SEMA6D: variants seen among roughly 807,000 people sequenced by gnomAD.
The protein encoded by SEMA6D is semaphorin-6D.
In SEMA6D, 35 loss-of-function variants were observed where a neutral mutation model predicts 106.6. The ratio of observed to expected loss-of-function variants is 0.33; its 90% CI spans 0.25 to 0.44. SEMA6D has a LOEUF of 0.44. Ranked by LOEUF, SEMA6D falls within the 20% of genes least tolerant of loss-of-function variation. SEMA6D has a pLI of 1.00. For missense variants in SEMA6D, 1,185 were observed against 1,345.9 expected, an observed-to-expected ratio of 0.88 and a Z score of 1.87; for synonymous variants, 499 against 487.7, an observed-to-expected ratio of 1.02 and a Z score of -0.31.
chr15:47,243,717 G>C (rs781120550), intron 1 of SEMA6D, among the ~76,000 whole-genome samples: 1 of 151,388 alleles, frequency 6.6e-6, no homozygotes, highest in Admixed American at 6.6e-5. Flanking sequence ...TGGTGTGTGA[G>C]TTTTAAGCTC....
chr15:47,233,274 G>A (rs1352184819), intron 1 of SEMA6D, among the ~76,000 whole-genome samples: 1 of 151,846 alleles, frequency 6.6e-6, no homozygotes, highest in African/African-American at 2.4e-5. Context: ...TTACTTCTGG[G>A]CTCTATTCCA....
chr15:47,286,992 C>A, intron 1 of SEMA6D, among the ~76,000 whole-genome samples: 1 of 152,136 alleles, frequency 6.6e-6, no homozygotes, highest in East Asian at 1.9e-4. Flanking sequence ...ACATTTCTCC[C>A]CCTCTTCCAA....
chr15:47,347,940 A>G (rs76515311), intron 1 of SEMA6D, among the ~76,000 whole-genome samples: 3,979 of 152,240 alleles, frequency 0.026, 178 homozygotes, highest in African/African-American at 0.091. Context: ...AGAGTTTCTG[A>G]GTCCCTTCCA....
rs951093415 is a variant in SEMA6D, at chr15:47,768,528, CA to C, written c.1766-45del. On this transcript the variant is annotated intron_variant, in intron 17 of 18. Transcript: ENST00000536845. ...TTATTTAAAAATGCAACAGACCAAT[CA>C]AAAAAAATCTTGACACTATCCATAT... The C allele has an allele frequency of 9.4e-4, 1,315 of 1,405,448 alleles. 8 individuals carry two copies. The highest frequency in any genetic ancestry group is 1.9e-4 in the Non-Finnish European group (204 of 1,051,102). 87.1% of individuals were successfully genotyped at this position (1,405,448 alleles called of 1,614,324 possible).
intron 1 of SEMA6D, among the ~76,000 whole-genome samples, chr15:47,221,252 G>C (rs754051587): frequency 7.2e-5 from 11 of 152,154 alleles, no homozygotes; most frequent in Non-Finnish European, 1.3e-4. Context: ...TAAAGTAGCT[G>C]GGCTCCTCTA....
chr15:47,715,410 C>T (rs558816665), upstream of SEMA6D, among the ~76,000 whole-genome samples: 13 of 152,064 alleles, frequency 8.5e-5, no homozygotes, highest in Non-Finnish European at 1.5e-4. Flanking sequence ...ATAAAAGGAG[C>T]GTTGTTTTCC....
At chr15:47,274,650 G>C (rs942532206) in intron 1 of SEMA6D, 6 of 152,204 alleles carry the variant, frequency 3.9e-5, no homozygotes, top group Admixed American at 2.6e-4. Context: ...GTTTTCAGAA[G>C]TTGTATGTAA....
intron 1 of SEMA6D, among the ~76,000 whole-genome samples, chr15:47,365,018 G>A (rs934855370): frequency 1.1e-4 from 16 of 152,282 alleles, no homozygotes; most frequent in African/African-American, 3.9e-4. Flanking sequence ...GAGATGGCAG[G>A]CAGCAAGATA....
At chr15:47,438,290 G>A (rs1320778936) in intron 2 of SEMA6D, among the ~76,000 whole-genome samples, 4 of 151,986 alleles carry the variant, frequency 2.6e-5, no homozygotes, top group African/African-American at 9.7e-5. Flanking sequence ...TCTCTTGATT[G>A]TAATAGCCTC....
chr15:47,318,378 T>A (rs1487472853), intron 1 of SEMA6D, among the ~76,000 whole-genome samples: 2 of 133,536 alleles, frequency 1.5e-5, no homozygotes, highest in African/African-American at 5.4e-5. Context: ...TAACTCGTCA[T>A]CTAGCATTAG....
intron 14 of SEMA6D, 38 bp from the exon 15 acceptor site, chr15:47,766,067 G>A (rs781278461): frequency 2.5e-6 from 4 of 1,612,798 alleles, no homozygotes; most frequent in African/African-American, 1.3e-5. Context: ...CTTTGTTGAT[G>A]AGAAAATCCA....
At chr15:47,580,965 G>T (rs1003916019) in intron 3 of SEMA6D, among the ~76,000 whole-genome samples, 1 of 152,160 alleles carries the variant, frequency 6.6e-6, no homozygotes, top group African/African-American at 2.4e-5. Flanking sequence ...CATACTTAGG[G>T]ATCTACCAGC....
chr15:47,282,763 A>G (rs954068902), intron 1 of SEMA6D, among the ~76,000 whole-genome samples: 2 of 152,174 alleles, frequency 1.3e-5, no homozygotes, highest in South Asian at 2.1e-4. Context: ...AGATGATGCT[A>G]TGATGCCTTG....
intron 1 of SEMA6D, among the ~76,000 whole-genome samples, chr15:47,723,844 G>C (rs932539008): frequency 1.1e-4 from 17 of 152,050 alleles, no homozygotes; most frequent in Admixed American, 9.8e-4. Flanking sequence ...CCAATATGTT[G>C]GTACATATAT....
At chr15:47,536,506 A>C (rs964114709) in intron 3 of SEMA6D, among the ~76,000 whole-genome samples, 1 of 152,200 alleles carries the variant, frequency 6.6e-6, no homozygotes, top group Non-Finnish European at 1.5e-5. Flanking sequence ...ATTGGCTTCT[A>C]GACTCAGACC....
At chr15:47,272,241 G>T (rs939347540) in intron 1 of SEMA6D, among the ~76,000 whole-genome samples, 1 of 152,182 alleles carries the variant, frequency 6.6e-6, no homozygotes. Context: ...ACAAGTAACA[G>T]AATCCAAGGC....
chr15:47,394,134 A>G (rs1156570575), intron 1 of SEMA6D, among the ~76,000 whole-genome samples: 2 of 152,134 alleles, frequency 1.3e-5, no homozygotes, highest in Non-Finnish European at 2.9e-5. Flanking sequence ...TGCATTTAGG[A>G]GGACTAGGCT....
chr15:47,727,861 C>T (rs569190149), intron 1 of SEMA6D, among the ~76,000 whole-genome samples: 2 of 152,290 alleles, frequency 1.3e-5, no homozygotes, highest in Middle Eastern at 3.4e-3. Context: ...AAGGTGATTG[C>T]CTGCTGCGGT....
chr15:47,518,866 A>G (rs981505214), intron 3 of SEMA6D, among the ~76,000 whole-genome samples: 1 of 152,166 alleles, frequency 6.6e-6, no homozygotes, highest in Admixed American at 6.5e-5. Flanking sequence ...TACCACCTGA[A>G]GGACCTCCCT....
Sources: allele counts gnomAD v4.1 joint callset (sites outside exome capture counted in the v4.1 genomes callset), GRCh38; gene constraint gnomAD v4.1.1; transcripts MANE v1.5; gene names NCBI Gene and HGNC (gene_info 2026-07-23, HGNC 2026-07-21).